TOP3A: variants seen among roughly 807,000 people sequenced by gnomAD.
The protein encoded by TOP3A is DNA topoisomerase 3-alpha.
Under a neutral mutation model 111.3 loss-of-function variants are expected in TOP3A, and 64 were observed. That is an observed-to-expected ratio of 0.57 (90% CI 0.47 to 0.71). TOP3A has a LOEUF of 0.71. TOP3A is among the 30% of genes least tolerant of loss of function. The probability of loss-of-function intolerance (pLI) is 0.00; values close to 1 mark genes in which losing one functional copy is unlikely to be tolerated. For missense variants in TOP3A, 1,104 were observed against 1,285.0 expected (o/e 0.86, Z 2.15); for synonymous variants, 484 against 485.1 (o/e 1.00, Z 0.03).
In TOP3A at chr17:18,302,734, CAA is replaced by C. The variant is rs1567749072; in HGVS notation, c.500-13_500-12del. On this transcript the variant is annotated splice_polypyrimidine_tract_variant and intron_variant, in intron 5 of 18. Transcript: ENST00000321105. ...GCAGATTGGGCTTTACTGCAGAACA[CAA>C]GGTGTTACCAAGGTCAAAGTCAAAT... 1 of 1,609,094 alleles carries C rather than the reference CAA, an allele frequency of 6.2e-7. No homozygotes were observed. Among genetic ancestry groups the C allele is most frequent in the Non-Finnish European group, 8.5e-7 (1 of 1,176,058 alleles).
rs527299029 is a variant in TOP3A at position 18,298,877 on chromosome 17, C to T, written c.990+682G>A. Among the ~76,000 whole-genome samples, 16 of 151,902 alleles carry T rather than the reference C, an allele frequency of 1.1e-4. No homozygotes were observed. In the South Asian group the frequency reaches 3.1e-3, roughly 30 times the overall value. On this transcript the variant is annotated intron_variant, in intron 9 of 18. Coordinates refer to ENST00000321105, the MANE Select transcript of TOP3A (RefSeq NM_004618.5). Reference sequence around the variant, plus strand: ...GCAGCATGCTCCTTAAGAGTCATCACCACTCCCTAATCTCAAGTACCCAGG... The same window carrying T: ...GCAGCATGCTCCTTAAGAGTCATCATCACTCCCTAATCTCAAGTACCCAGG...
chr17:18,276,023 CTG>C (rs1415537090), intron 18 of TOP3A, among the ~76,000 whole-genome samples: 1 of 152,204 alleles, frequency 6.6e-6, no homozygotes, highest in Admixed American at 6.5e-5. Flanking sequence ...GTGTCCAACT[CTG>C]TAAGGTTGAG....
chr17:18,313,850 T>G (rs963854158), intron 1 of TOP3A, among the ~76,000 whole-genome samples: 18 of 152,208 alleles, frequency 1.2e-4, no homozygotes, highest in Non-Finnish European at 1.9e-4. Context: ...CTTCCACCCA[T>G]GCTCTTAGAA....
At chr17:18,281,383 G>C (rs1313435074) in intron 16 of TOP3A, among the ~76,000 whole-genome samples, 1 of 152,150 alleles carries the variant, frequency 6.6e-6, no homozygotes, top group African/African-American at 2.4e-5. Context: ...TGACCTTCTG[G>C]AGTAACTCAG....
In TOP3A at chr17:18,277,661, C is replaced by T. The variant is rs769180100; in HGVS notation, c.2827+14G>A. ...AACTGAAGGCAGGGATTCCCATGCC[C>T]CTCCCTGCCTCACCTGGAGCGGTGT... On this transcript the variant is annotated intron_variant, in intron 18 of 18. Coordinates refer to ENST00000321105, the MANE Select transcript of TOP3A (RefSeq NM_004618.5). 7.3e-5 allele frequency: 116 copies of T among 1,592,910 alleles called. No individual in the cohort carries two copies. The highest frequency in any genetic ancestry group is 9.5e-5 in the Non-Finnish European group (110 of 1,164,004).
chr17:18,310,692 GATA>G (rs1181791168), intron 1 of TOP3A, among the ~76,000 whole-genome samples: 3 of 152,114 alleles, frequency 2.0e-5, no homozygotes, highest in African/African-American at 4.8e-5. Flanking sequence ...TCTGGAACTA[GATA>G]ATGATGATGG....
chr17:18,289,235 G>A (rs1311642956), intron 13 of TOP3A, among the ~76,000 whole-genome samples: 5 of 152,166 alleles, frequency 3.3e-5, no homozygotes, highest in African/African-American at 9.6e-5. Context: ...GGCTGGTCTC[G>A]AACTCCTGAC....
chr17:18,300,609 G>A (rs79495575), intron 8 of TOP3A, among the ~76,000 whole-genome samples: 7,452 of 151,746 alleles, frequency 0.049, 263 homozygotes, highest in Admixed American at 0.082. Flanking sequence ...AGGCTGAAGT[G>A]CAGTGGCATA....
rs754183816 is a variant in TOP3A, at chr17:18,306,863, G to A, written c.390+28C>T. The stretch of plus-strand genomic sequence containing the variant: ...CTGTTTGACTCTGTGGTTTGACTCA[G>A]TGCCATATGTCTTCCAAAAGACCCT... On this transcript the variant is annotated intron_variant, in intron 4 of 18. Coordinates refer to ENST00000321105, the MANE Select transcript of TOP3A (RefSeq NM_004618.5). 1.4e-5 allele frequency: 20 copies of A among 1,460,794 alleles called. No individual in the cohort carries two copies. The African/African-American group carries it at 2.1e-4, about 15-fold the overall frequency. 90.5% of individuals were successfully genotyped at this position (1,460,794 alleles called of 1,614,324 possible). A position where few individuals can be genotyped will look rare whatever the true frequency, so the allele number is the denominator to read the frequency against.
intron 4 of TOP3A, among the ~76,000 whole-genome samples, chr17:18,305,821 G>C (rs1214375719): frequency 6.6e-6 from 1 of 151,978 alleles, no homozygotes. Flanking sequence ...CTGGGTGACA[G>C]AGCAAGACTC....
In TOP3A at chr17:18,302,662, C is replaced by G. The variant is rs1319930147; in HGVS notation, c.561G>C (p.Arg187Ser). ...RFSEITPHAV[R>S]TACENLTEPD... is the part of the protein sequence containing the mutation. ...GCTCGGTCAGGTTTTCACAAGCTGT[C>G]CTGACGGCATGGGGTGTGATCTCAG... Residue 187 changes from arginine to serine, a missense_variant, in exon 6 of 19, where the codon AGG (arginine) becomes AGC (serine). By Grantham distance (110) the Arg-to-Ser change is moderately radical. Transcript: ENST00000321105. 6.8e-6 allele frequency: 11 copies of G among 1,614,188 alleles called. No individual in the cohort carries two copies. In the East Asian group the frequency reaches 1.8e-4, roughly 26 times the overall value.
At chr17:18,302,989 T>C in intron 5 of TOP3A, 2 of 391,914 alleles carry the variant, frequency 5.1e-6, no homozygotes, top group Admixed American at 8.4e-5. Context: ...GATCAGATCG[T>C]TACTGTGTCT....
At chr17:18,309,709 CTTTT>C (rs749580212) in intron 1 of TOP3A, among the ~76,000 whole-genome samples, 6 of 128,770 alleles carry the variant, frequency 4.7e-5, no homozygotes, top group Admixed American at 7.8e-5. Context: ...TATAGAAGTT[CTTTT>C]TTTTTTTTTT....
chr17:18,279,992 A>G (rs1379263455), intron 17 of TOP3A, among the ~76,000 whole-genome samples: 1 of 151,996 alleles, frequency 6.6e-6, no homozygotes, highest in Non-Finnish European at 1.5e-5. Context: ...CTCTACTAAA[A>G]ATACAAAAAG....
In TOP3A at chr17:18,272,365, G is replaced by A. The variant is rs1388046912; in HGVS notation, c.*2437C>T. Among the ~76,000 whole-genome samples, 1 of 152,216 alleles carries A rather than the reference G, an allele frequency of 6.6e-6. No homozygotes were observed. Among genetic ancestry groups the A allele is most frequent in the East Asian group, 1.9e-4 (1 of 5,200 alleles). On this transcript the variant is annotated 3_prime_UTR_variant, in exon 19 of 19. Coordinates refer to ENST00000321105, the MANE Select transcript of TOP3A (RefSeq NM_004618.5). Reference sequence around the variant, plus strand: ...GTGGTGCATCCACTGTGGAAAATTTGTAGGTTCCTCAAAAAGTCAAAACAT... The same window carrying A: ...GTGGTGCATCCACTGTGGAAAATTTATAGGTTCCTCAAAAAGTCAAAACAT...
rs780353144 is a variant in TOP3A, at chr17:18,290,711, G to A, written c.1468-25C>T. On this transcript the variant is annotated intron_variant, in intron 12 of 18. Coordinates refer to ENST00000321105, the MANE Select transcript of TOP3A (RefSeq NM_004618.5). ...TCTACAGGGAGCGGCAGGTGCAACAGTCAGATGATTCCATCAGCACACTCA... is the reference window on the plus strand; with the variant it reads ...TCTACAGGGAGCGGCAGGTGCAACAATCAGATGATTCCATCAGCACACTCA... 6 of 1,582,636 alleles carry A rather than the reference G, an allele frequency of 3.8e-6. No homozygotes were observed. In the South Asian group the frequency reaches 5.7e-5, roughly 15 times the overall value.
At chr17:18,299,678 TCATCTC>T in intron 8 of TOP3A, 45 bp from the exon 9 acceptor site, 1 of 1,555,136 alleles carries the variant, frequency 6.4e-7, no homozygotes, top group Non-Finnish European at 8.9e-7. Context: ...TGTTAGTGCA[TCATCTC>T]CATCCTTCCT....
intron 1 of TOP3A, among the ~76,000 whole-genome samples, chr17:18,311,188 G>A: frequency 6.6e-6 from 1 of 151,852 alleles, no homozygotes; most frequent in East Asian, 1.9e-4. Context: ...TTTTAGTAGA[G>A]ACAGGGTTTC....
At chr17:18,286,610 T>TAAGG (rs1219519046) in intron 13 of TOP3A, among the ~76,000 whole-genome samples, 1 of 152,144 alleles carries the variant, frequency 6.6e-6, no homozygotes, top group Non-Finnish European at 1.5e-5. Flanking sequence ...TAAGTGTTAG[T>TAAGG]AAGGATGTGG....
Sources: gnomAD v4.1 joint callset for allele counts (sites outside exome capture counted in the v4.1 genomes callset) on GRCh38, gnomAD v4.1.1 for gene constraint, MANE v1.5 for transcripts, NCBI Gene and HGNC (gene_info 2026-07-23, HGNC 2026-07-21) for gene names.